Variants in AUTS2 observed in about 807,000 individuals in gnomAD.
AUTS2 encodes the protein activator of transcription and developmental regulator AUTS2, also known as autism susceptibility gene 2 protein.
AUTS2 carries 17 observed loss-of-function variants against 112.4 expected under a neutral mutation model. The ratio of observed to expected loss-of-function variants is 0.15; its 90% CI spans 0.10 to 0.23. The LOEUF is 0.23. Among genes scored for constraint, AUTS2 ranks in the 10% least tolerant of loss-of-function variants. AUTS2 has a pLI of 1.00. For missense variants in AUTS2, 1,510 were observed against 1,701.6 expected (o/e 0.89, Z 1.98); for synonymous variants, 751 against 702.7 (o/e 1.07, Z -1.09).
chr7:69,967,000 T>G (rs769170977), intron 2 of AUTS2, among the ~76,000 whole-genome samples: 3 of 152,216 alleles, frequency 2.0e-5, no homozygotes, highest in Non-Finnish European at 2.9e-5. Flanking sequence ...TGTCCCAATT[T>G]TCTTTCTCTG....
chr7:70,322,547 A>G (rs546195423), intron 4 of AUTS2, among the ~76,000 whole-genome samples: 2 of 152,294 alleles, frequency 1.3e-5, no homozygotes, highest in South Asian at 4.1e-4. Flanking sequence ...GGCTTTGGTG[A>G]TACTAACTGA....
At position 70,768,283 on chromosome 7, in the gene AUTS2, G is replaced by A. The variant is rs3829006; in HGVS notation, c.1734+215G>A. On this transcript the variant is annotated intron_variant, in intron 10 of 18. Transcript: ENST00000342771. ...ATCAAAAGATCATAAGCATTCCAAA[G>A]GCTTGAAAGCAGAGTTGCTCTTTAG... 0.16 allele frequency among the ~76,000 whole-genome samples: 23,885 copies of A among 152,170 alleles called. 2,223 individuals are homozygous for A. Among genetic ancestry groups the A allele is most frequent in the East Asian group, 0.38 (1,967 of 5,158 alleles).
At chr7:69,978,894 A>ACACACACACG (rs1554418145) in intron 2 of AUTS2, among the ~76,000 whole-genome samples, 39 of 137,192 alleles carry the variant, frequency 2.8e-4, no homozygotes, top group South Asian at 7.0e-4. Flanking sequence ...ACACACACAC[A>ACACACACACG]CACACACGCA....
At chr7:70,518,362 A>T (rs896258042) in intron 5 of AUTS2, among the ~76,000 whole-genome samples, 2 of 152,086 alleles carry the variant, frequency 1.3e-5, no homozygotes, top group Non-Finnish European at 2.9e-5. Flanking sequence ...TCACAGTGGG[A>T]TGAATGAAGA....
At chr7:70,385,098 GCT>G (rs778718257) in intron 4 of AUTS2, among the ~76,000 whole-genome samples, 1 of 152,142 alleles carries the variant, frequency 6.6e-6, no homozygotes, top group Admixed American at 6.5e-5. Flanking sequence ...CAACACACTT[GCT>G]CCATGACTCA....
At chr7:70,426,145 G>A (rs1221545487) in intron 4 of AUTS2, among the ~76,000 whole-genome samples, 1 of 152,194 alleles carries the variant, frequency 6.6e-6, no homozygotes, top group African/African-American at 2.4e-5. Context: ...GGATAACGAT[G>A]TGGTCTTTTC....
chr7:69,699,953 A>G (rs1336042986), intron 1 of AUTS2, among the ~76,000 whole-genome samples: 1 of 152,180 alleles, frequency 6.6e-6, no homozygotes, highest in African/African-American at 2.4e-5. Context: ...ATCATATGGC[A>G]TTTCATCCTG....
chr7:69,768,520 G>A (rs1788527320), intron 1 of AUTS2, among the ~76,000 whole-genome samples: 1 of 152,176 alleles, frequency 6.6e-6, no homozygotes, highest in Non-Finnish European at 1.5e-5. Context: ...GCTTTGCAGA[G>A]CTGGGATGCC....
At chr7:70,482,585 GA>G (rs1291306094) in intron 5 of AUTS2, among the ~76,000 whole-genome samples, 2 of 152,192 alleles carry the variant, frequency 1.3e-5, no homozygotes, top group Non-Finnish European at 2.9e-5. Context: ...TCTAGACAAA[GA>G]ATCAGAGCAT....
At chr7:69,986,719 T>C (rs563731730) in intron 2 of AUTS2, among the ~76,000 whole-genome samples, 1 of 152,332 alleles carries the variant, frequency 6.6e-6, no homozygotes, top group South Asian at 2.1e-4. Flanking sequence ...TGGACAGTTA[T>C]CCAAATTTGC....
intron 3 of AUTS2, among the ~76,000 whole-genome samples, chr7:70,131,616 T>C (rs1488720184): frequency 6.6e-6 from 1 of 152,226 alleles, no homozygotes; most frequent in South Asian, 2.1e-4. Context: ...TTCCTTTTTT[T>C]TGTTTTTAGC....
chr7:70,115,387 C>T (rs1805304460), intron 2 of AUTS2, among the ~76,000 whole-genome samples: 1 of 152,126 alleles, frequency 6.6e-6, no homozygotes, highest in South Asian at 2.1e-4. Flanking sequence ...GTTTTCTGGG[C>T]TGGTCTCGAA....
intron 6 of AUTS2, among the ~76,000 whole-genome samples, chr7:70,761,310 C>A (rs1180827336): frequency 6.6e-6 from 1 of 152,096 alleles, no homozygotes; most frequent in Non-Finnish European, 1.5e-5. Flanking sequence ...TGGGGAGACC[C>A]CACCTCTAAA....
intron 4 of AUTS2, among the ~76,000 whole-genome samples, chr7:70,323,369 G>A (rs1790343279): frequency 6.6e-6 from 1 of 152,150 alleles, no homozygotes. Context: ...CTTTATGTTT[G>A]TGGCCCAGTG....
chr7:69,802,460 T>C (rs1256853278), intron 1 of AUTS2, among the ~76,000 whole-genome samples: 1 of 152,156 alleles, frequency 6.6e-6, no homozygotes, highest in Non-Finnish European at 1.5e-5. Flanking sequence ...CGGAAGGGCT[T>C]TTCTGTCTAC....
At chr7:70,513,347 G>A (rs1799278630) in intron 5 of AUTS2, among the ~76,000 whole-genome samples, 2 of 152,176 alleles carry the variant, frequency 1.3e-5, no homozygotes, top group African/African-American at 2.4e-5. Context: ...GGAGAGCACA[G>A]CACCAGAAGC....
chr7:69,765,710 C>A (rs755530912), intron 1 of AUTS2, among the ~76,000 whole-genome samples: 2 of 151,908 alleles, frequency 1.3e-5, no homozygotes, highest in Admixed American at 6.6e-5. Flanking sequence ...GAGTCCGAAG[C>A]GGGAGGATTG....
intron 2 of AUTS2, among the ~76,000 whole-genome samples, chr7:70,108,332 A>G (rs917038221): frequency 6.6e-6 from 1 of 152,230 alleles, no homozygotes; most frequent in African/African-American, 2.4e-5. Context: ...TATTCAATTA[A>G]AATGGATAAA....
At chr7:69,639,593 AC>A (rs528026535) in intron 1 of AUTS2, among the ~76,000 whole-genome samples, 123 of 152,298 alleles carry the variant, frequency 8.1e-4, no homozygotes, top group African/African-American at 2.8e-3. Flanking sequence ...CATGTGGTCT[AC>A]CCTGTCTTTA....
Sources: gnomAD v4.1 joint callset for allele counts (sites outside exome capture counted in the v4.1 genomes callset) on GRCh38, gnomAD v4.1.1 for gene constraint, MANE v1.5 for transcripts, NCBI Gene and HGNC (gene_info 2026-07-23, HGNC 2026-07-21) for gene names.